RUBCN: variants seen among roughly 807,000 people sequenced by gnomAD.
RUBCN encodes the protein run domain Beclin-1-interacting and cysteine-rich domain-containing protein.
Under a neutral mutation model 113.2 loss-of-function variants are expected in RUBCN, and 74 were observed. The observed-to-expected ratio is 0.65, with a 90% CI of 0.54 to 0.79. The LOEUF (loss-of-function observed/expected upper bound fraction) is 0.79. Among genes scored for constraint, RUBCN ranks in the 30% least tolerant of loss-of-function variants. The pLI is 0.00. For missense variants in RUBCN, 1,109 were observed against 1,251.7 expected (o/e 0.89, Z 1.72); for synonymous variants, 480 against 490.0 (o/e 0.98, Z 0.27).
rs1211431411 is a variant in RUBCN, at chr3:197,676,988, T to C, written c.2543A>G (p.His848Arg). 1 of 1,613,834 alleles carries C rather than the reference T, an allele frequency of 6.2e-7. No homozygotes were observed. Among genetic ancestry groups the C allele is most frequent in the Non-Finnish European group, 8.5e-7 (1 of 1,180,020 alleles). Residue 848 changes from histidine (H) to arginine (R), a missense_variant, in exon 18 of 20, where the codon CAC becomes CGC. Physicochemically the swap from His to Arg is conservative, Grantham distance 29. Coordinates refer to ENST00000296343, the MANE Select transcript of RUBCN (RefSeq NM_014687.4). ...TVPGHLTEDLHLYSLNDLTAT... is the reference protein window; with the variant it reads ...TVPGHLTEDLRLYSLNDLTAT... ...AGTCAGGTCATTCAGTGAGTACAGG[T>C]GGAGGTCCTCTGTCAGGTGGCCTGG...
chr3:197,708,810 CTG>C (rs1379950838), intron 2 of RUBCN, among the ~76,000 whole-genome samples: 2 of 152,094 alleles, frequency 1.3e-5, no homozygotes, highest in Non-Finnish European at 2.9e-5. Context: ...GAGGAAATGA[CTG>C]TATTTATAAA....
At chr3:197,736,598 CCTCCCGGGG>C in intron 1 of RUBCN, 48 bp downstream of exon 1, 2 of 1,516,704 alleles carry the variant, frequency 1.3e-6, no homozygotes, top group East Asian at 4.9e-5. Flanking sequence ...CCCTCCCAAG[CCTCCCGGGG>C]CTCCGGCGCC....
chr3:197,675,203 A>G lies in RUBCN; in HGVS notation c.2741-7T>C, dbSNP rs200259437. 2 of 1,614,022 alleles carry G rather than the reference A, an allele frequency of 1.2e-6. No homozygotes were observed. Among genetic ancestry groups the G allele is most frequent in the Non-Finnish European group, 1.7e-6 (2 of 1,179,996 alleles). On this transcript the variant is annotated splice_polypyrimidine_tract_variant and splice_region_variant and intron_variant, in intron 19 of 19. Transcript: ENST00000296343. This position sits in a 1 kb window ranked among gnomAD's most constrained non-coding sequence, Gnocchi z 4.4. ...TGGTAACACGCTTTACACTCTACTC[A>G]GGTTGGGAAGGTGGGGGAGAGAAGA...
Position 197,682,564 on chromosome 3 carries a change from C to A in RUBCN, c.2032G>T (p.Ala678Ser). The change falls in exon 14 of 20, where the codon GCT becomes TCT. Residue 678 changes from alanine to serine, a missense_variant. Physicochemically the swap from Ala to Ser is moderately conservative, Grantham distance 99. Coordinates refer to ENST00000296343, the MANE Select transcript of RUBCN (RefSeq NM_014687.4). ...LPISPDDGQH[A>S]DIYKLRIRVR... ...CGAATCCGCAGCTTGTAGATGTCAG[C>A]GTGCTGCCCGTCATCCGGTGAGATG... 1 of 1,614,068 alleles carries A rather than the reference C, an allele frequency of 6.2e-7. No individual in the cohort carries two copies. The highest frequency in any genetic ancestry group is 8.5e-7 in the Non-Finnish European group (1 of 1,180,004).
intron 1 of RUBCN, among the ~76,000 whole-genome samples, chr3:197,734,002 T>A (rs1727822290): frequency 1.3e-5 from 2 of 152,104 alleles, no homozygotes; most frequent in Non-Finnish European, 2.9e-5. Context: ...ACGCTTGTAA[T>A]CCCAGCACTT....
At chr3:197,694,044 C>A in intron 10 of RUBCN, 1 of 525,636 alleles carries the variant, frequency 1.9e-6, no homozygotes, top group African/African-American at 1.9e-5. Flanking sequence ...GGAGCTATTC[C>A]TTTATTTATA....
At chr3:197,685,881 G>A (rs970206534) in intron 11 of RUBCN, among the ~76,000 whole-genome samples, 2 of 152,170 alleles carry the variant, frequency 1.3e-5, no homozygotes, top group African/African-American at 4.8e-5. Context: ...TGTTTGGTTT[G>A]CAACATTTAT....
intron 1 of RUBCN, among the ~76,000 whole-genome samples, chr3:197,732,447 G>T (rs1727626696): frequency 6.6e-6 from 1 of 152,174 alleles, no homozygotes; most frequent in Non-Finnish European, 1.5e-5. Flanking sequence ...CCCAGTAGCT[G>T]GGACTACAGG....
At chr3:197,734,137 A>T (rs2109008817) in intron 1 of RUBCN, among the ~76,000 whole-genome samples, 1 of 151,756 alleles carries the variant, frequency 6.6e-6, no homozygotes, top group East Asian at 1.9e-4. Context: ...GGCACCTGTA[A>T]TCCCAGCTAC....
rs1315350354 is a variant in RUBCN, at chr3:197,670,938, A to C, written c.*4080T>G. The stretch of plus-strand genomic sequence containing the variant: ...TGAGGACACGCTCACTACTGCAGAG[A>C]CTTGGTGAGCACTAAGAGGGGAGGT... On this transcript the variant is annotated 3_prime_UTR_variant, in exon 20 of 20. Transcript: ENST00000296343. 6.6e-6 allele frequency among the ~76,000 whole-genome samples: 1 copy of C among 152,184 alleles called. No homozygotes were observed. The highest frequency in any genetic ancestry group is 1.5e-5 in the Non-Finnish European group (1 of 68,020).
chr3:197,721,561 T>C (rs1414290297), intron 1 of RUBCN, among the ~76,000 whole-genome samples: 2 of 152,082 alleles, frequency 1.3e-5, no homozygotes, highest in East Asian at 3.8e-4. Context: ...TTGTTAATCT[T>C]TTATATATAT....
intron 2 of RUBCN, among the ~76,000 whole-genome samples, chr3:197,711,369 TG>T (rs1724946978): frequency 6.6e-6 from 1 of 152,196 alleles, no homozygotes; most frequent in East Asian, 1.9e-4. Flanking sequence ...AAATGACAGC[TG>T]TAAGAAAGAA....
At chr3:197,704,861 CT>C (rs1724107890) in intron 3 of RUBCN, among the ~76,000 whole-genome samples, 160 bp from the exon 4 acceptor site, 2 of 151,922 alleles carry the variant, frequency 1.3e-5, no homozygotes, top group Middle Eastern at 3.5e-3. Context: ...AATAGCAAAA[CT>C]TTTTTTCCCT....
chr3:197,689,027 C>A (rs1162371772), intron 11 of RUBCN, among the ~76,000 whole-genome samples: 1 of 136,612 alleles, frequency 7.3e-6, no homozygotes, highest in African/African-American at 2.7e-5. Context: ...TGGGTGAATT[C>A]TTTTTTTTTT....
At chr3:197,737,602 G>A (rs150461687), upstream of RUBCN, among the ~76,000 whole-genome samples, 1 of 152,088 alleles carries the variant, frequency 6.6e-6, no homozygotes, top group African/African-American at 2.4e-5. Flanking sequence ...TTCTGGTGTG[G>A]GGAAACCAGA....
Position 197,728,776 on chromosome 3 carries a change from G to A in RUBCN, c.65+7879C>T, listed in dbSNP as rs528738997. On this transcript the variant is annotated intron_variant, in intron 1 of 19. Transcript: ENST00000296343. Reference sequence around the variant, plus strand: ...CACTTACATAACCATGCTATGAAGGGAGATGTCAGATGTGCTCTAACAGAG... The same window carrying A: ...CACTTACATAACCATGCTATGAAGGAAGATGTCAGATGTGCTCTAACAGAG... Among the ~76,000 whole-genome samples the A allele has an allele frequency of 3.0e-4, 46 of 152,334 alleles. No individual in the cohort carries two copies. In the Middle Eastern group the frequency reaches 0.014, roughly 45 times the overall value.
rs1282985138 is a variant in RUBCN, at chr3:197,712,942, C to T, written c.219+5035G>A. ...TGGTGCAATCTCAGCTCACTGCAAC[C>T]TCCACCTCCCAGGTTCAAGCGATTC... On this transcript the variant is annotated intron_variant, in intron 2 of 19. Coordinates refer to ENST00000296343, the MANE Select transcript of RUBCN (RefSeq NM_014687.4). Among the ~76,000 whole-genome samples, 5 of 151,928 alleles carry T rather than the reference C, an allele frequency of 3.3e-5. No individual in the cohort carries two copies. The East Asian group carries it at 9.6e-4, about 29-fold the overall frequency.
intron 1 of RUBCN, among the ~76,000 whole-genome samples, chr3:197,721,087 C>T (rs1221851888): frequency 2.0e-5 from 3 of 152,082 alleles, no homozygotes; most frequent in Non-Finnish European, 2.9e-5. Flanking sequence ...TCCTCTTGTG[C>T]CCCTCTGTAG....
intron 16 of RUBCN, among the ~76,000 whole-genome samples, chr3:197,678,059 C>T (rs554590874): frequency 1.4e-5 from 2 of 140,422 alleles, no homozygotes; most frequent in East Asian, 2.1e-4. Flanking sequence ...TGCTCTAACT[C>T]GACACCTGGC....
Sources: allele counts gnomAD v4.1 joint callset (sites outside exome capture counted in the v4.1 genomes callset), GRCh38; gene constraint gnomAD v4.1.1; non-coding constraint Gnocchi (gnomAD v3.1); transcripts MANE v1.5; gene names NCBI Gene and HGNC (gene_info 2026-07-23, HGNC 2026-07-21).